Variants in GCC2 observed in about 807,000 individuals in gnomAD.
GCC2 encodes GRIP and coiled-coil domain containing 2, also known as GRIP and coiled-coil domain-containing protein 2.
GCC2 carries 120 observed loss-of-function variants against 210.6 expected under a neutral mutation model. That is an observed-to-expected ratio of 0.57 (90% CI 0.49 to 0.66). The LOEUF (loss-of-function observed/expected upper bound fraction) is 0.66. Ranked by LOEUF, GCC2 falls within the 30% of genes least tolerant of loss-of-function variation. GCC2 has a pLI of 0.00. For missense variants in GCC2, 1,868 were observed against 1,871.9 expected (o/e 1.00, Z 0.04); for synonymous variants, 703 against 652.7 (o/e 1.08, Z -1.17).
At chr2:108,505,577 G>T (rs1299943678) in intron 22 of GCC2, among the ~76,000 whole-genome samples, 5 of 152,130 alleles carry the variant, frequency 3.3e-5, no homozygotes, top group Admixed American at 6.6e-5. Flanking sequence ...TGCACACTTT[G>T]TTGAAGCAAG....
rs113579201 is a variant in GCC2, at chr2:108,469,000, T to C, written c.237T>C (p.Asp79=). 1.9e-6 allele frequency: 3 copies of C among 1,611,576 alleles called. No individual in the cohort carries two copies. In the African/African-American group the frequency reaches 4.0e-5, roughly 21 times the overall value. ...AATAGGCATTAACTGAACGTCTGGA[T>C]GCTCTTCTTCTGGAAAAAGCAGAGA... is the stretch of plus-strand genomic sequence containing the variant. ...DIIKALTERL[D]ALLLEKAETE... The change falls in exon 5 of 23, where the codon GAT becomes GAC. Residue 79 remains aspartate (D), a synonymous_variant. Coordinates refer to ENST00000309863, the MANE Select transcript of GCC2 (RefSeq NM_181453.4).
In GCC2 at chr2:108,472,270, T is replaced by C. The variant is rs554285574; in HGVS notation, c.2787+154T>C. Among the ~76,000 whole-genome samples, 5 of 152,296 alleles carry C rather than the reference T, an allele frequency of 3.3e-5. No individual in the cohort carries two copies. The South Asian group carries it at 1.0e-3, about 32-fold the overall frequency. ...CTGAAAAGTGCATTAGACATTTCCA[T>C]GTTGTATGTCCAGTTTATTACATTT... On this transcript the variant is annotated intron_variant, in intron 6 of 22. Transcript: ENST00000309863.
chr2:108,459,745 C>CTTTTTTTGTTTTTTTT (rs1680457074), intron 4 of GCC2, among the ~76,000 whole-genome samples: 1 of 26,764 alleles, frequency 3.7e-5, no homozygotes, highest in African/African-American at 1.3e-4. Flanking sequence ...CCTTCTTTGT[C>CTTTTTTTGTTTTTTTT]TTTTTTTTTT....
Position 108,470,474 on chromosome 2 carries a change from AC to A in GCC2, c.1146del (p.Leu383Ter). On this transcript the variant is annotated frameshift_variant, in exon 6 of 23. Transcript: ENST00000309863. LOFTEE classifies it high-confidence loss of function. Reference protein sequence around the residue: ...IKDEFFHEREDLEFKINELLL... With the variant: ...IKDEFFHEREXLEFKINELLL... ...GATGAGTTTTTTCATGAACGGGAAG[AC>A]TTAGAGTTTAAAATTAATGAATTAT... The A allele has an allele frequency of 6.2e-7, 1 of 1,608,508 alleles. No individual in the cohort carries two copies.
At chr2:108,488,612 T>G (rs557725434) in intron 17 of GCC2, among the ~76,000 whole-genome samples, 1 of 152,316 alleles carries the variant, frequency 6.6e-6, no homozygotes, top group East Asian at 1.9e-4. Context: ...AAACTTTTCT[T>G]ATTTATGACC....
chr2:108,499,958 C>T (rs2104512405), intron 22 of GCC2, among the ~76,000 whole-genome samples: 1 of 152,302 alleles, frequency 6.6e-6, no homozygotes, highest in East Asian at 1.9e-4. Context: ...TTTTAACGTT[C>T]AGCAAAATAC....
chr2:108,489,361 A>G (rs1258777673), intron 17 of GCC2, among the ~76,000 whole-genome samples: 1 of 152,104 alleles, frequency 6.6e-6, no homozygotes, highest in Non-Finnish European at 1.5e-5. Flanking sequence ...ACTAAAAATA[A>G]AAAATTAGCT....
In GCC2 at chr2:108,465,232, T is replaced by G. The variant is rs571683655; in HGVS notation, c.217-3748T>G. 9.4e-4 allele frequency among the ~76,000 whole-genome samples: 143 copies of G among 152,340 alleles called. 3 individuals carry two copies. The South Asian group carries it at 0.022, about 23-fold the overall frequency. ...TGTGTTCTCTCTTGGATGATCTGTA[T>G]GTATGTAATTATCTACTCACTATTT... On this transcript the variant is annotated intron_variant, in intron 4 of 22. Coordinates refer to ENST00000309863, the MANE Select transcript of GCC2 (RefSeq NM_181453.4).
intron 9 of GCC2, among the ~76,000 whole-genome samples, chr2:108,476,207 G>A (rs924504577): frequency 2.5e-4 from 38 of 151,622 alleles, no homozygotes; most frequent in East Asian, 1.2e-3. Flanking sequence ...CTACAGGTGC[G>A]CGCCACCATG....
intron 21 of GCC2, among the ~76,000 whole-genome samples, chr2:108,498,183 C>CTTTTTTTTTTT (rs3084885): frequency 5.2e-4 from 30 of 57,480 alleles, no homozygotes; most frequent in South Asian, 7.6e-4. Context: ...GTTATATTTT[C>CTTTTTTTTTTT]TTTTTTTTTT....
Position 108,452,408 on chromosome 2 carries a change from A to T in GCC2, c.158A>T (p.Lys53Ile), listed in dbSNP as rs765998564. The T allele has an allele frequency of 6.6e-7, 1 of 1,515,252 alleles. No individual in the cohort carries two copies. The highest frequency in any genetic ancestry group is 1.1e-5 in the South Asian group (1 of 88,784). 93.9% of individuals were successfully genotyped at this position (1,515,252 alleles called of 1,614,324 possible). A position where few individuals can be genotyped will look rare whatever the true frequency, so the allele number is the denominator to read the frequency against. ...TTTTTTAATTGTTTAGAATTGGAGA[A>T]AGAAATTGAAGAACTCAGATCAAAA... ...KAKSRCTELEKEIEELRSKPV... is the reference protein window; with the variant it reads ...KAKSRCTELEIEIEELRSKPV... Residue 53 changes from lysine (K) to isoleucine (I), a missense_variant, in exon 4 of 23, where the codon AAA becomes ATA. Lys to Ile is a moderately radical substitution (Grantham distance 102). Transcript: ENST00000309863.
intron 19 of GCC2, 23 bp downstream of exon 19, chr2:108,492,813 A>G (rs1395086984): frequency 6.7e-7 from 1 of 1,495,682 alleles, no homozygotes; most frequent in Admixed American, 1.7e-5. Flanking sequence ...ACATGGAAAT[A>G]TTAGTTGTTC....
intron 4 of GCC2, among the ~76,000 whole-genome samples, chr2:108,456,822 G>A (rs890160561): frequency 2.6e-5 from 4 of 151,982 alleles, no homozygotes; most frequent in Admixed American, 2.6e-4. Context: ...GGTGGAACAT[G>A]CCTGTAGTCC....
At chr2:108,454,384 T>C (rs1558726774) in intron 4 of GCC2, among the ~76,000 whole-genome samples, 1 of 152,266 alleles carries the variant, frequency 6.6e-6, no homozygotes, top group South Asian at 2.1e-4. Flanking sequence ...AAGGGGTCTT[T>C]AAATCCATAT....
rs1484081118 is a variant in GCC2 at position 108,489,962 on chromosome 2, CACA to C, written c.4182_4184del (p.Asn1394del). On this transcript the variant is annotated inframe_deletion, in exon 18 of 23. Coordinates refer to ENST00000309863, the MANE Select transcript of GCC2 (RefSeq NM_181453.4). ...TGAACATGATACACTGCTAGAAAGGCACAACAAGATGCTGCAGGAAACTGTGTC... is the reference window on the plus strand; with the variant it reads ...TGAACATGATACACTGCTAGAAAGGCACAAGATGCTGCAGGAAACTGTGTC... 6 of 1,610,952 alleles carry C rather than the reference CACA, an allele frequency of 3.7e-6. No homozygotes were observed. Among genetic ancestry groups the C allele is most frequent in the East Asian group, 2.2e-5 (1 of 44,510 alleles).
chr2:108,507,149 A>C (rs540010830), intron 22 of GCC2, among the ~76,000 whole-genome samples: 11 of 152,242 alleles, frequency 7.2e-5, no homozygotes, highest in African/African-American at 1.7e-4. Flanking sequence ...AATCCCAACA[A>C]TGTGAGGCTG....
chr2:108,495,310 A>C lies in GCC2; in HGVS notation c.4467A>C (p.Gln1489His), dbSNP rs768831588. Residue 1489 changes from glutamine to histidine, a missense_variant, in exon 20 of 23, where the codon CAA becomes CAC. Physicochemically the swap from Gln to His is conservative, Grantham distance 24. Around this residue, in one of 3 missense-constraint regions of GCC2, gnomAD observed 1,847 missense variants for 1,765.2 expected, o/e 1.05. Transcript: ENST00000309863. The part of the protein sequence containing the change: ...PTTRSPVSSQ[Q>H]SLKNLRERRN... ...TAATAGGCCCAGTTTCCTCTCAACA[A>C]TCTTTGAAGAACCTTCGAGAAAGGA... The C allele has an allele frequency of 1.3e-6, 2 of 1,579,138 alleles. No homozygotes were observed. Among genetic ancestry groups the C allele is most frequent in the Non-Finnish European group, 1.7e-6 (2 of 1,170,848 alleles).
At chr2:108,466,943 T>C (rs145249290) in intron 4 of GCC2, among the ~76,000 whole-genome samples, 6 of 152,350 alleles carry the variant, frequency 3.9e-5, no homozygotes, top group South Asian at 2.1e-4. Flanking sequence ...GTTAAAAATA[T>C]GTTTGCGTTT....
rs1681479480 is a variant in GCC2 at position 108,475,734 on chromosome 2, T to C, written c.2962-18T>C. 6.4e-7 allele frequency: 1 copy of C among 1,553,212 alleles called. No homozygotes were observed. The highest frequency in any genetic ancestry group is 8.8e-7 in the Non-Finnish European group (1 of 1,139,306). ...AAAAAAACAAAAACCTCTTTAATTTTACTTGTGTTTAAAACAGACCCAGAC... is the reference window on the plus strand; with the variant it reads ...AAAAAAACAAAAACCTCTTTAATTTCACTTGTGTTTAAAACAGACCCAGAC... On this transcript the variant is annotated intron_variant, in intron 8 of 22. Coordinates refer to ENST00000309863, the MANE Select transcript of GCC2 (RefSeq NM_181453.4).
Sources: allele counts gnomAD v4.1 joint callset (sites outside exome capture counted in the v4.1 genomes callset), GRCh38; gene constraint gnomAD v4.1.1; regional missense constraint gnomAD v4.1.1; transcripts MANE v1.5; gene names NCBI Gene and HGNC (gene_info 2026-07-23, HGNC 2026-07-21).